Variants in TEKT5 observed in about 807,000 individuals in gnomAD.
The protein encoded by TEKT5 is tektin 5, also known as tektin-5.
TEKT5 carries 52 observed loss-of-function variants against 48.7 expected under a neutral mutation model. That is an observed-to-expected ratio of 1.07 (90% CI 0.86 to 1.35). The LOEUF is 1.35. TEKT5 is among the 40% of genes most tolerant of loss of function. TEKT5 has a pLI of 0.00. For synonymous variants in TEKT5, 318 were observed against 267.6 expected (o/e 1.19, Z -1.84); for missense variants, 831 against 641.6 (o/e 1.30, Z -3.19).
chr16:10,676,936 CA>C (rs1898656864), intron 4 of TEKT5, among the ~76,000 whole-genome samples: 1 of 135,592 alleles, frequency 7.4e-6, no homozygotes, highest in Middle Eastern at 3.4e-3. Flanking sequence ...CTAATCCCAG[CA>C]CACTGGGAGG....
At chr16:10,654,030 GCA>G (rs1242704655) in intron 5 of TEKT5, among the ~76,000 whole-genome samples, 3 of 146,748 alleles carry the variant, frequency 2.0e-5, no homozygotes, top group African/African-American at 8.2e-5. Flanking sequence ...GTGTGTGTGT[GCA>G]CATGTGTGTG....
intron 5 of TEKT5, among the ~76,000 whole-genome samples, chr16:10,650,129 T>A (rs1338071647): frequency 1.3e-5 from 2 of 152,068 alleles, no homozygotes; most frequent in African/African-American, 4.8e-5. Context: ...TGGAGTGCAG[T>A]GGCGCAATCT....
intron 5 of TEKT5, among the ~76,000 whole-genome samples, chr16:10,636,247 C>T (rs1459188593): frequency 1.3e-5 from 2 of 151,922 alleles, no homozygotes; most frequent in Non-Finnish European, 2.9e-5. Context: ...TGGTGGCAGG[C>T]GCCTGTAATC....
intron 5 of TEKT5, among the ~76,000 whole-genome samples, chr16:10,648,306 CTTTTAT>C (rs1342328647): frequency 1.3e-5 from 2 of 151,920 alleles, no homozygotes; most frequent in Admixed American, 6.6e-5. Context: ...CATTCCCTGG[CTTTTAT>C]TTTTATTTAT....
intron 5 of TEKT5, among the ~76,000 whole-genome samples, chr16:10,640,530 T>C (rs1156416729): frequency 1.3e-5 from 2 of 152,218 alleles, no homozygotes; most frequent in Non-Finnish European, 2.9e-5. Flanking sequence ...GTTTGACTTA[T>C]GTATATACCC....
rs192366028 is a variant in TEKT5, at chr16:10,676,559, C to T, written c.864-378G>A. On this transcript the variant is annotated intron_variant, in intron 4 of 6. Coordinates refer to ENST00000283025, the MANE Select transcript of TEKT5 (RefSeq NM_144674.2). ...GTGAGTGGGTCAAAGAGAGGGGCTC[C>T]CGCAGAGAGCTCTTTTCCCTAACAC... Among the ~76,000 whole-genome samples the T allele has an allele frequency of 4.2e-3, 639 of 152,216 alleles. 4 individuals are homozygous for T. Among genetic ancestry groups the T allele is most frequent in the Non-Finnish European group, 6.0e-3 (407 of 67,998 alleles).
chr16:10,688,349 G>A (rs1051521179), intron 3 of TEKT5, among the ~76,000 whole-genome samples: 8 of 152,358 alleles, frequency 5.3e-5, no homozygotes, highest in African/African-American at 1.7e-4. Flanking sequence ...CCCCTTCGGG[G>A]GATCCAAGGG....
At chr16:10,693,975 T>G (rs1369159717) in intron 1 of TEKT5, among the ~76,000 whole-genome samples, 2 of 151,952 alleles carry the variant, frequency 1.3e-5, no homozygotes, top group East Asian at 3.9e-4. Context: ...GTGTAAAAAA[T>G]AAATAAATAA....
chr16:10,690,979 A>G (rs1336952370), intron 1 of TEKT5, among the ~76,000 whole-genome samples: 2 of 152,228 alleles, frequency 1.3e-5, no homozygotes, highest in South Asian at 2.1e-4. Context: ...GGATAGCACA[A>G]CGAACCAGGC....
chr16:10,689,291 C>A lies in TEKT5; in HGVS notation c.681G>T (p.Gln227His). ...CAATTCTTTGAGCTAATTTTCTCATCTGTTCTTGGCAACATTTTAGCAAAT... is the reference window on the plus strand; with the variant it reads ...CAATTCTTTGAGCTAATTTTCTCATATGTTCTTGGCAACATTTTAGCAAAT... ...EVDLLKCCQE[Q>H]MRKLAQRIDI... The change falls in exon 3 of 7, where the codon CAG (glutamine) becomes CAT (histidine). Residue 227 changes from glutamine to histidine, a missense_variant. Coordinates refer to ENST00000283025, the MANE Select transcript of TEKT5 (RefSeq NM_144674.2). 6.2e-7 allele frequency: 1 copy of A among 1,613,308 alleles called. No individual in the cohort carries two copies. Among genetic ancestry groups the A allele is most frequent in the Admixed American group, 1.7e-5 (1 of 59,936 alleles).
At chr16:10,634,387 G>C (rs116477730) in intron 6 of TEKT5, among the ~76,000 whole-genome samples, 23 of 152,132 alleles carry the variant, frequency 1.5e-4, no homozygotes, top group Non-Finnish European at 3.2e-4. Context: ...TCAGTATCTT[G>C]TCAAAAGAAG....
In TEKT5 at chr16:10,690,022, C is replaced by T; in HGVS notation, c.568G>A (p.Ala190Thr). ...TCTCGATGGTACAGACACTCCAAGG[C>T]CACCTGTGGGAAGCAGCAGAAAGAA... Reference protein sequence around the residue: ...ANEVNCPLQVALECLYHREKR... With the variant: ...ANEVNCPLQVTLECLYHREKR... The change falls in exon 2 of 7, where the codon GCC (alanine) becomes ACC (threonine). Residue 190 changes from alanine to threonine, a missense_variant. Coordinates refer to ENST00000283025, the MANE Select transcript of TEKT5 (RefSeq NM_144674.2). 1 of 1,614,002 alleles carries T rather than the reference C, an allele frequency of 6.2e-7. No individual in the cohort carries two copies. Among genetic ancestry groups the T allele is most frequent in the Non-Finnish European group, 8.5e-7 (1 of 1,180,008 alleles).
intron 3 of TEKT5, among the ~76,000 whole-genome samples, chr16:10,686,795 G>A (rs566701299): frequency 2.4e-4 from 36 of 152,304 alleles, no homozygotes; most frequent in Admixed American, 2.4e-3. Flanking sequence ...CAAAGTTATT[G>A]CGGCACAATT....
chr16:10,636,502 T>C (rs1201269698), intron 5 of TEKT5, among the ~76,000 whole-genome samples: 1 of 151,940 alleles, frequency 6.6e-6, no homozygotes, highest in Non-Finnish European at 1.5e-5. Context: ...CAATAGCCAT[T>C]AGAGTTGCCA....
intron 5 of TEKT5, among the ~76,000 whole-genome samples, chr16:10,653,705 G>C (rs1218949401): frequency 6.6e-6 from 1 of 152,166 alleles, no homozygotes; most frequent in Non-Finnish European, 1.5e-5. Context: ...CTGAGGTTAG[G>C]AGTTCGAGAC....
chr16:10,682,031 G>A lies in TEKT5; in HGVS notation c.825C>T (p.Cys275=). 1.2e-6 allele frequency: 2 copies of A among 1,614,166 alleles called. No individual in the cohort carries two copies. Among genetic ancestry groups the A allele is most frequent in the Non-Finnish European group, 8.5e-7 (1 of 1,180,022 alleles). The change falls in exon 4 of 7, where the codon TGC becomes TGT. Residue 275 remains cysteine (C), a synonymous_variant. Transcript: ENST00000283025. ...KCFNLRNTSD[C]ISFFHGMEKI... is the part of the protein sequence containing the mutation. ...TCTCCATGCCGTGGAAGAAGCTGAT[G>A]CAGTCTGACGTATTTCTCAGGTTAA...
chr16:10,669,732 C>T (rs571224430), intron 5 of TEKT5, among the ~76,000 whole-genome samples: 36 of 151,994 alleles, frequency 2.4e-4, no homozygotes, highest in African/African-American at 8.7e-4. Context: ...TTTCCCCCTA[C>T]ACATTAAGAG....
intron 3 of TEKT5, among the ~76,000 whole-genome samples, chr16:10,684,823 C>G (rs1898831231): frequency 6.6e-6 from 1 of 152,198 alleles, no homozygotes; most frequent in Non-Finnish European, 1.5e-5. Context: ...AGGAAAAGAC[C>G]AAACGTGGCT....
At chr16:10,660,108 A>T (rs369799309) in intron 5 of TEKT5, among the ~76,000 whole-genome samples, 1 of 152,186 alleles carries the variant, frequency 6.6e-6, no homozygotes, top group African/African-American at 2.4e-5. Context: ...CAACGTGATG[A>T]GGTCACAGCT....
Sources: gnomAD v4.1 joint callset for allele counts (sites outside exome capture counted in the v4.1 genomes callset) on GRCh38, gnomAD v4.1.1 for gene constraint, MANE v1.5 for transcripts, NCBI Gene and HGNC (gene_info 2026-07-23, HGNC 2026-07-21) for gene names.